The following VAV2 variants were observed in gnomAD, a reference collection of about 807,000 sequenced individuals.
VAV2 encodes the protein guanine nucleotide exchange factor VAV2.
A neutral mutation model predicts 132.5 loss-of-function variants in VAV2; 67 were observed. The observed-to-expected ratio is 0.51, with a 90% CI of 0.42 to 0.62. The LOEUF (loss-of-function observed/expected upper bound fraction) is 0.62, where lower values mean the gene tolerates loss of function less well. Among genes scored for constraint, VAV2 ranks in the 20% least tolerant of loss-of-function variants. VAV2 has a pLI of 0.00. For synonymous variants in VAV2, 492 were observed against 443.5 expected, an observed-to-expected ratio of 1.11 and a Z score of -1.37; for missense variants, 938 against 1,153.6, an observed-to-expected ratio of 0.81 and a Z score of 2.71.
intron 1 of VAV2, among the ~76,000 whole-genome samples, chr9:133,954,466 C>T (rs375837221): frequency 6.6e-6 from 1 of 152,262 alleles, no homozygotes; most frequent in Non-Finnish European, 1.5e-5. Context: ...TACTCAGTGC[C>T]GCAGCAGCAC....
rs989306606 is a variant in VAV2, at chr9:133,788,804, C to T, written c.1275-318G>A. On this transcript the variant is annotated intron_variant, in intron 14 of 29. Coordinates refer to ENST00000371850, the MANE Select transcript of VAV2 (RefSeq NM_001134398.2). The surrounding 1 kb of genome is among the most constrained non-coding windows in gnomAD (Gnocchi z 5.3). ...CGACGGCTACTCCCAGTTGATCCCG[C>T]GCTGGACTGGGAGCCTCAAGAGGGT... Among the ~76,000 whole-genome samples, 13 of 152,214 alleles carry T rather than the reference C, an allele frequency of 8.5e-5. No individual in the cohort carries two copies. The highest frequency in any genetic ancestry group is 2.0e-4 in the Admixed American group (3 of 15,282).
In VAV2 at chr9:133,788,364, T is replaced by A. The variant is rs1172044202; in HGVS notation, c.1397A>T (p.Asp466Val). The change falls in exon 15 of 30, where the codon GAC (aspartate) becomes GTC (valine). Residue 466 changes from aspartate (D) to valine (V), a missense_variant. Asp to Val is a radical substitution (Grantham distance 152). Coordinates refer to ENST00000371850, the MANE Select transcript of VAV2 (RefSeq NM_001134398.2). This position sits in a 1 kb window ranked among gnomAD's most constrained non-coding sequence, Gnocchi z 5.3. ...KMTDDPMNNK[D>V]VKKSHGKMWS... ...CCCGGAAGGCCCCACCTTCTTGACG[T>A]CCTTGTTGTTCATGGGGTCGTCGGT... 1 of 1,607,948 alleles carries A rather than the reference T, an allele frequency of 6.2e-7. No homozygotes were observed. Among genetic ancestry groups the A allele is most frequent in the Admixed American group, 1.7e-5 (1 of 59,916 alleles).
At chr9:133,971,576 C>T (rs1459610009) in intron 1 of VAV2, among the ~76,000 whole-genome samples, 1 of 152,172 alleles carries the variant, frequency 6.6e-6, no homozygotes, top group Admixed American at 6.5e-5. Context: ...GACTGTGACA[C>T]TGGCCTCCTG....
At chr9:133,853,442 C>T (rs900799857) in intron 3 of VAV2, among the ~76,000 whole-genome samples, 8 of 152,136 alleles carry the variant, frequency 5.3e-5, no homozygotes, top group African/African-American at 1.9e-4. Flanking sequence ...GGCCCTGCCC[C>T]AGCGGCCTCT....
At chr9:133,777,273 T>C (rs1383539878) in intron 23 of VAV2, 116 bp downstream of exon 23, 38 of 1,039,866 alleles carry the variant, frequency 3.7e-5, no homozygotes, top group Non-Finnish European at 5.3e-5. Context: ...CACAGCAGCC[T>C]AAATTTAGCA....
At chr9:133,888,048 C>G (rs561603458) in intron 2 of VAV2, among the ~76,000 whole-genome samples, 1 of 152,194 alleles carries the variant, frequency 6.6e-6, no homozygotes, top group Non-Finnish European at 1.5e-5. Context: ...CTTGGATGAG[C>G]CTTGAGGGCC....
chr9:133,959,959 G>A (rs1018342622), intron 1 of VAV2, among the ~76,000 whole-genome samples: 17 of 152,324 alleles, frequency 1.1e-4, no homozygotes, highest in Non-Finnish European at 2.2e-4. Context: ...ATGCACGTTT[G>A]TTGTCCAAAG....
chr9:133,927,490 T>C (rs1330480032), intron 2 of VAV2, among the ~76,000 whole-genome samples: 2 of 152,170 alleles, frequency 1.3e-5, no homozygotes, highest in Non-Finnish European at 2.9e-5. Flanking sequence ...CAAATAGGGC[T>C]GGGAAAACTG....
chr9:133,909,036 A>C (rs1476057070), intron 2 of VAV2, among the ~76,000 whole-genome samples: 1 of 152,244 alleles, frequency 6.6e-6, no homozygotes, highest in East Asian at 1.9e-4. Context: ...ATCGAACTCA[A>C]AAAGAAATTA....
chr9:133,777,470 G>A lies in VAV2; in HGVS notation c.1891-7C>T, dbSNP rs1246486467. 1 of 1,613,380 alleles carries A rather than the reference G, an allele frequency of 6.2e-7. No homozygotes were observed. Among genetic ancestry groups the A allele is most frequent in the Non-Finnish European group, 8.5e-7 (1 of 1,179,940 alleles). On this transcript the variant is annotated splice_region_variant and splice_polypyrimidine_tract_variant and intron_variant, in intron 22 of 29. Coordinates refer to ENST00000371850, the MANE Select transcript of VAV2 (RefSeq NM_001134398.2). Reference sequence around the variant, plus strand: ...TGGTTTGTACCAGACGACCCTGGCAGAGGAAAGAGATGGTTAGGACAAGGG... The same window carrying A: ...TGGTTTGTACCAGACGACCCTGGCAAAGGAAAGAGATGGTTAGGACAAGGG...
chr9:133,771,195 G>T (rs58956250), intron 26 of VAV2, among the ~76,000 whole-genome samples: 3 of 151,710 alleles, frequency 2.0e-5, no homozygotes, highest in East Asian at 1.9e-4. Context: ...TCCCAAGTAG[G>T]GGGGACTACA....
intron 2 of VAV2, among the ~76,000 whole-genome samples, chr9:133,920,648 C>T (rs111523179): frequency 0.021 from 3,259 of 152,270 alleles, 106 homozygotes; most frequent in African/African-American, 0.073. Flanking sequence ...GACCAGGTCC[C>T]GCCCACCCCT....
chr9:133,825,820 C>T (rs187713886), intron 4 of VAV2, among the ~76,000 whole-genome samples: 12 of 152,302 alleles, frequency 7.9e-5, no homozygotes, highest in East Asian at 7.7e-4. Context: ...CCTCCCAGGT[C>T]GCCGCCAGCA....
intron 1 of VAV2, among the ~76,000 whole-genome samples, chr9:133,981,389 G>C (rs2132291452): frequency 1.3e-5 from 2 of 152,340 alleles, no homozygotes; most frequent in Middle Eastern, 6.8e-3. Flanking sequence ...GAGGGGAGGG[G>C]AAGAGAGGTG....
chr9:133,977,459 G>A (rs978094040), intron 1 of VAV2, among the ~76,000 whole-genome samples: 1 of 152,226 alleles, frequency 6.6e-6, no homozygotes, highest in Admixed American at 6.5e-5. Context: ...CGCCACCCCA[G>A]GGGGCCTGGG....
intron 3 of VAV2, among the ~76,000 whole-genome samples, chr9:133,845,335 G>T (rs908735053): frequency 2.0e-5 from 3 of 152,242 alleles, no homozygotes; most frequent in African/African-American, 7.2e-5. Flanking sequence ...AGTTTAAAAT[G>T]CAGACCTTCC....
chr9:133,833,599 G>A lies in VAV2; in HGVS notation c.449+673C>T, dbSNP rs1436382536. Among the ~76,000 whole-genome samples, 1 of 152,124 alleles carries A rather than the reference G, an allele frequency of 6.6e-6. No homozygotes were observed. The highest frequency in any genetic ancestry group is 1.5e-5 in the Non-Finnish European group (1 of 68,006). ...GCCCAGGTCCCTCACCTGCAGGTGA[G>A]GCCCCTTCCTCCTACCCTCCTACCT... On this transcript the variant is annotated intron_variant, in intron 4 of 29. Transcript: ENST00000371850. The surrounding 1 kb of genome is among the most constrained non-coding windows in gnomAD (Gnocchi z 5.6).
chr9:133,992,124 G>T lies in VAV2; in HGVS notation c.155C>A (p.Pro52His). 6.3e-7 allele frequency: 1 copy of T among 1,593,622 alleles called. No individual in the cohort carries two copies. The highest frequency in any genetic ancestry group is 8.5e-7 in the Non-Finnish European group (1 of 1,170,826). ...LLCQLLHNLS[P>H]GSIDLKDINF... ...GATGTCCTTGAGGTCGATGGAGCCG[G>T]GGGAGAGGTTGTGCAGCAGCTGGCA... Residue 52 changes from proline (P) to histidine (H), a missense_variant, in exon 1 of 30, where the codon CCC becomes CAC. Physicochemically the swap from Pro to His is moderately conservative, Grantham distance 77. Transcript: ENST00000371850. This position sits in a 1 kb window ranked among gnomAD's most constrained non-coding sequence, Gnocchi z 5.5.
rs184512380 is a variant in VAV2, at chr9:133,918,811, T to C, written c.321+20292A>G. ...TTTGTTTTGAGACAGAGTCTTGTTC[T>C]GTCGCCCAGGCTGAAGTGCAGTGGT... On this transcript the variant is annotated intron_variant, in intron 2 of 29. Transcript: ENST00000371850. The surrounding 1 kb of genome is among the most constrained non-coding windows in gnomAD (Gnocchi z 4.7). Among the ~76,000 whole-genome samples the C allele has an allele frequency of 6.6e-6, 1 of 152,250 alleles. No homozygotes were observed. The highest frequency in any genetic ancestry group is 2.4e-5 in the African/African-American group (1 of 41,542).
Sources: gnomAD v4.1 joint callset for allele counts (sites outside exome capture counted in the v4.1 genomes callset) on GRCh38, gnomAD v4.1.1 for gene constraint, Gnocchi (gnomAD v3.1) non-coding constraint, MANE v1.5 for transcripts, NCBI Gene and HGNC (gene_info 2026-07-23, HGNC 2026-07-21) for gene names.